SNTG1: variants seen among roughly 807,000 people sequenced by gnomAD.
The protein encoded by SNTG1 is gamma-1-syntrophin.
In SNTG1, 39 loss-of-function variants were observed where a neutral mutation model predicts 74.7. The ratio of observed to expected loss-of-function variants is 0.52; its 90% CI spans 0.40 to 0.68. SNTG1 has a LOEUF of 0.68. Among genes scored for constraint, SNTG1 ranks in the 30% least tolerant of loss-of-function variants. The pLI is 0.00. For missense variants in SNTG1, 685 were observed against 609.5 expected (o/e 1.12, Z -1.30); for synonymous variants, 254 against 217.1 (o/e 1.17, Z -1.49).
intron 1 of SNTG1, among the ~76,000 whole-genome samples, chr8:50,162,579 A>G (rs969817088): frequency 1.4e-5 from 2 of 148,008 alleles, no homozygotes; most frequent in African/African-American, 2.5e-5. Context: ...AAAAAAAAAG[A>G]AAAAAAAAGA....
intron 18 of SNTG1, among the ~76,000 whole-genome samples, chr8:50,757,985 T>C (rs971444543): frequency 1.4e-4 from 21 of 151,944 alleles, no homozygotes; most frequent in African/African-American, 5.1e-4. Flanking sequence ...TGCCTCTCCT[T>C]CCTTCTATTA....
At chr8:50,641,218 C>T (rs761192911) in intron 13 of SNTG1, among the ~76,000 whole-genome samples, 2 of 152,186 alleles carry the variant, frequency 1.3e-5, no homozygotes, top group African/African-American at 4.8e-5. Flanking sequence ...TTCCCCCAGT[C>T]TATTCTCTCC....
At chr8:50,148,401 T>G (rs1311314879) in intron 1 of SNTG1, among the ~76,000 whole-genome samples, 3 of 152,182 alleles carry the variant, frequency 2.0e-5, no homozygotes, top group Admixed American at 2.0e-4. Flanking sequence ...ACTTTATTTT[T>G]TATTTGTTTA....
At chr8:50,660,434 AAAG>A (rs1189030552) in intron 15 of SNTG1, among the ~76,000 whole-genome samples, 1 of 126,378 alleles carries the variant, frequency 7.9e-6, no homozygotes, top group African/African-American at 2.7e-5. Context: ...AAGAAGAAAG[AAAG>A]AAAGAGAAAA....
intron 1 of SNTG1, among the ~76,000 whole-genome samples, chr8:49,916,505 G>T (rs1354289505): frequency 6.6e-6 from 1 of 151,940 alleles, no homozygotes; most frequent in Non-Finnish European, 1.5e-5. Context: ...CATATGTAAT[G>T]TACATACTTG....
intron 2 of SNTG1, among the ~76,000 whole-genome samples, chr8:50,343,122 T>C (rs1480904351): frequency 6.6e-6 from 1 of 152,158 alleles, no homozygotes; most frequent in Non-Finnish European, 1.5e-5. Context: ...CCCCAGTACT[T>C]CGTGATGGAT....
chr8:49,920,497 AT>A (rs1187933550), intron 1 of SNTG1, among the ~76,000 whole-genome samples: 1 of 152,044 alleles, frequency 6.6e-6, no homozygotes, highest in Non-Finnish European at 1.5e-5. Context: ...CTCTCTTCTT[AT>A]AACACCTATT....
intron 18 of SNTG1, among the ~76,000 whole-genome samples, chr8:50,778,918 A>G (rs553233204): frequency 5.3e-4 from 81 of 152,298 alleles, no homozygotes; most frequent in African/African-American, 1.8e-3. Context: ...AGCTTTCCAC[A>G]TATCGCTAGC....
intron 2 of SNTG1, among the ~76,000 whole-genome samples, chr8:50,372,216 C>CTG (rs146721613): frequency 0.013 from 1,864 of 149,036 alleles, 26 homozygotes; most frequent in African/African-American, 0.035. Flanking sequence ...TGATCTTTCT[C>CTG]TGTGTGTGTG....
At chr8:50,031,987 A>T (rs1378014462) in intron 1 of SNTG1, among the ~76,000 whole-genome samples, 2 of 152,126 alleles carry the variant, frequency 1.3e-5, no homozygotes, top group African/African-American at 4.8e-5. Flanking sequence ...TTGTGAGGTT[A>T]AAGTTATCTT....
At chr8:50,469,936 C>A (rs2093638758) in intron 8 of SNTG1, among the ~76,000 whole-genome samples, 1 of 152,134 alleles carries the variant, frequency 6.6e-6, no homozygotes, top group Admixed American at 6.6e-5. Flanking sequence ...CAAGATGGTG[C>A]CACTGCACTC....
intron 1 of SNTG1, among the ~76,000 whole-genome samples, chr8:50,156,687 C>T (rs773355208): frequency 1.3e-5 from 2 of 151,872 alleles, no homozygotes; most frequent in South Asian, 2.1e-4. Context: ...CAAATCAGCC[C>T]ATTAAAAATG....
chr8:50,686,943 G>A (rs576776212), intron 15 of SNTG1, among the ~76,000 whole-genome samples: 425 of 151,246 alleles, frequency 2.8e-3, no homozygotes, highest in Admixed American at 4.1e-3. Context: ...AGACCATCCT[G>A]GCTAACAAGG....
chr8:50,768,025 TAAGAG>T (rs2095618093), intron 18 of SNTG1, among the ~76,000 whole-genome samples: 1 of 151,944 alleles, frequency 6.6e-6, no homozygotes, highest in Non-Finnish European at 1.5e-5. Context: ...GTACAGTACA[TAAGAG>T]AAGGGAAAGA....
intron 1 of SNTG1, among the ~76,000 whole-genome samples, chr8:50,002,927 G>T (rs1010428654): frequency 6.6e-6 from 1 of 152,118 alleles, no homozygotes; most frequent in East Asian, 1.9e-4. Context: ...AGAAGGGAAA[G>T]GTACTGATAC....
intron 13 of SNTG1, among the ~76,000 whole-genome samples, chr8:50,627,133 T>G (rs2094961807): frequency 1.3e-5 from 2 of 152,212 alleles, no homozygotes. Flanking sequence ...CTCTTCATTT[T>G]GTTCCATTTC....
At chr8:50,486,851 T>C (rs539258804) in intron 8 of SNTG1, among the ~76,000 whole-genome samples, 7 of 152,328 alleles carry the variant, frequency 4.6e-5, no homozygotes, top group African/African-American at 1.7e-4. Context: ...TTGAGAGTTT[T>C]TAGCATGAAG....
At chr8:50,300,166 T>C (rs932310864) in intron 2 of SNTG1, among the ~76,000 whole-genome samples, 15 of 152,152 alleles carry the variant, frequency 9.9e-5, no homozygotes, top group African/African-American at 3.4e-4. Context: ...TTGTCAAATT[T>C]ATTGTAATTT....
In SNTG1 at chr8:49,938,555, T is replaced by TTC. The variant is rs1279336647; in HGVS notation, c.-103+26325_-103+26326insCT. On this transcript the variant is annotated intron_variant, in intron 1 of 18. Coordinates refer to ENST00000642720, the MANE Select transcript of SNTG1 (RefSeq NM_018967.5). The stretch of plus-strand genomic sequence containing the variant: ...CTATCTTACCATGCCTTCTTTTCTT[T>TTC]TGTTTTCTTTTCTTTTCTTTTCTTT... Among the ~76,000 whole-genome samples, 9 of 41,572 alleles carry TTC rather than the reference T, an allele frequency of 2.2e-4. 1 individual carries two copies. Among genetic ancestry groups the TTC allele is most frequent in the African/African-American group, 9.3e-4 (9 of 9,634 alleles). The allele number at this position is 41,572 out of a possible 152,430, so 27.3% of individuals were successfully genotyped here.
Sources: allele counts gnomAD v4.1 joint callset (sites outside exome capture counted in the v4.1 genomes callset), GRCh38; gene constraint gnomAD v4.1.1; transcripts MANE v1.5; gene names NCBI Gene and HGNC (gene_info 2026-07-23, HGNC 2026-07-21).